NEDD4: variants seen among roughly 807,000 people sequenced by gnomAD.
NEDD4 encodes the protein NEDD4 E3 ubiquitin protein ligase.
In NEDD4, 99 loss-of-function variants were observed where a neutral mutation model predicts 144.9. The ratio of observed to expected loss-of-function variants is 0.68; its 90% confidence interval spans 0.58 to 0.81. The LOEUF is 0.81. Ranked by LOEUF, NEDD4 falls within the 30% of genes least tolerant of loss-of-function variation. The pLI is 0.00. For missense variants in NEDD4, 985 were observed against 1,065.9 expected, an observed-to-expected ratio of 0.92 and a Z score of 1.06; for synonymous variants, 318 against 350.6, an observed-to-expected ratio of 0.91 and a Z score of 1.04.
chr15:55,886,565 A>T (rs566792791), intron 5 of NEDD4, among the ~76,000 whole-genome samples: 1 of 152,234 alleles, frequency 6.6e-6, no homozygotes, highest in East Asian at 1.9e-4. Context: ...AGAGATCGAG[A>T]CCATCCTGCC....
chr15:55,855,098 G>C (rs1387749982), intron 12 of NEDD4, among the ~76,000 whole-genome samples: 1 of 152,204 alleles, frequency 6.6e-6, no homozygotes. Context: ...TTGATGGTCA[G>C]TACTGACCAG....
At chr15:55,860,925 G>A in intron 9 of NEDD4, 147 bp from the exon 10 acceptor site, 1 of 687,248 alleles carries the variant, frequency 1.5e-6, no homozygotes, top group African/African-American at 1.8e-5. Context: ...AACATGCAAA[G>A]ATTCAATCAT....
intron 4 of NEDD4, chr15:55,934,561 T>A (rs920553072): frequency 6.6e-6 from 1 of 152,132 alleles, no homozygotes; most frequent in Non-Finnish European, 1.5e-5. Flanking sequence ...ATGTTTTATG[T>A]CTTTCCACTT....
chr15:55,953,135 G>A (rs772513285), intron 2 of NEDD4, among the ~76,000 whole-genome samples: 10 of 151,026 alleles, frequency 6.6e-5, no homozygotes, highest in East Asian at 4.0e-4. Context: ...GACTGCAGGC[G>A]CACACCACCA....
chr15:55,933,497 G>A (rs1165003068), intron 4 of NEDD4, among the ~76,000 whole-genome samples: 1 of 142,768 alleles, frequency 7.0e-6, no homozygotes, highest in African/African-American at 2.6e-5. Context: ...CTTGGACACG[G>A]GAAGGGGAAC....
intron 5 of NEDD4, among the ~76,000 whole-genome samples, chr15:55,891,441 AAGTC>A (rs1369625869): frequency 6.6e-6 from 1 of 152,214 alleles, no homozygotes; most frequent in African/African-American, 2.4e-5. Flanking sequence ...CTATGAAGGC[AAGTC>A]AGTCTGTGAT....
intron 27 of NEDD4, 39 bp from the exon 28 acceptor site, chr15:55,830,625 C>T (rs1180850968): frequency 6.4e-7 from 1 of 1,568,806 alleles, no homozygotes; most frequent in South Asian, 1.1e-5. Flanking sequence ...TTACTCTCTA[C>T]AAGGATCTCC....
At chr15:55,935,176 C>T (rs1438287104) in intron 4 of NEDD4, among the ~76,000 whole-genome samples, 7 of 151,952 alleles carry the variant, frequency 4.6e-5, no homozygotes. Context: ...CCTTGTTCTG[C>T]ATTTTTCTTG....
At chr15:55,968,336 T>C (rs2037551113) in intron 1 of NEDD4, among the ~76,000 whole-genome samples, 3 of 152,170 alleles carry the variant, frequency 2.0e-5, no homozygotes, top group South Asian at 2.1e-4. Flanking sequence ...TTCTTTAGCA[T>C]GTGGAAAGAT....
intron 5 of NEDD4, chr15:55,905,149 T>A: frequency 2.9e-6 from 1 of 340,380 alleles, no homozygotes. Context: ...TGCAAATGAA[T>A]TAAATTATCA....
intron 18 of NEDD4, among the ~76,000 whole-genome samples, chr15:55,846,130 T>G (rs1200087115): frequency 2.0e-5 from 3 of 152,094 alleles, no homozygotes; most frequent in Admixed American, 6.6e-5. Context: ...TTTATGATAT[T>G]TAAGGATTTT....
At chr15:55,962,111 A>G (rs1473137423) in intron 2 of NEDD4, among the ~76,000 whole-genome samples, 1 of 152,162 alleles carries the variant, frequency 6.6e-6, no homozygotes, top group Admixed American at 6.5e-5. Context: ...TATATTCCTG[A>G]TTGACTTTAT....
intron 27 of NEDD4, among the ~76,000 whole-genome samples, chr15:55,832,779 G>C (rs2033016245): frequency 1.3e-5 from 2 of 152,136 alleles, no homozygotes; most frequent in Non-Finnish European, 2.9e-5. Context: ...AGAACGGAAA[G>C]TGACTCAAGT....
chr15:55,983,613 CTT>C (rs10711886), intron 1 of NEDD4, among the ~76,000 whole-genome samples: 26,200 of 141,790 alleles, frequency 0.18, 2,416 homozygotes, highest in East Asian at 0.41. Flanking sequence ...TTTAGATATA[CTT>C]TTTTTTTTTT....
At chr15:55,902,744 T>TA (rs2035950265) in intron 5 of NEDD4, among the ~76,000 whole-genome samples, 1 of 152,096 alleles carries the variant, frequency 6.6e-6, no homozygotes, top group Non-Finnish European at 1.5e-5. Context: ...AACAATGTTA[T>TA]AGGAGGCAGA....
intron 8 of NEDD4, among the ~76,000 whole-genome samples, chr15:55,864,979 C>T (rs1390062294): frequency 6.6e-6 from 1 of 151,872 alleles, no homozygotes; most frequent in Non-Finnish European, 1.5e-5. Flanking sequence ...GAGGGGGTCA[C>T]TTGAGGTCAG....
intron 5 of NEDD4, among the ~76,000 whole-genome samples, chr15:55,909,426 T>G (rs1462012385): frequency 6.6e-6 from 1 of 152,222 alleles, no homozygotes; most frequent in African/African-American, 2.4e-5. Context: ...TATCTCTAAG[T>G]ATCTGTCTTC....
chr15:55,838,371 T>A, intron 22 of NEDD4, 138 bp downstream of exon 22: 1 of 741,708 alleles, frequency 1.3e-6, no homozygotes, highest in African/African-American at 1.8e-5. Flanking sequence ...AAAGTACAAA[T>A]TCTTGCTCAG....
intron 24 of NEDD4, among the ~76,000 whole-genome samples, chr15:55,834,739 C>G (rs1303666801): frequency 6.6e-6 from 1 of 152,194 alleles, no homozygotes; most frequent in Non-Finnish European, 1.5e-5. Context: ...CTCAAAACAA[C>G]AAGAACAACA....
Sources: gnomAD v4.1 joint callset for allele counts (sites outside exome capture counted in the v4.1 genomes callset) on GRCh38, gnomAD v4.1.1 for gene constraint, MANE v1.5 for transcripts, NCBI Gene and HGNC (gene_info 2026-07-23, HGNC 2026-07-21) for gene names.